The following FGD5 variants were observed in gnomAD, a reference collection of about 807,000 sequenced individuals.
FGD5 encodes the protein FYVE, RhoGEF and PH domain-containing protein 5.
Under a neutral mutation model 133.4 loss-of-function variants are expected in FGD5, and 28 were observed. That is an observed-to-expected ratio of 0.21 (90% CI 0.16 to 0.29). FGD5 has a LOEUF of 0.29. Ranked by LOEUF, FGD5 falls within the 10% of genes least tolerant of loss-of-function variation. The pLI, the probability that FGD5 is intolerant of heterozygous loss-of-function variation, is 1.00. For missense variants in FGD5, 1,858 were observed against 1,895.2 expected (o/e 0.98, Z 0.36); for synonymous variants, 810 against 776.5 (o/e 1.04, Z -0.72).
chr3:14,810,769 C>T (rs1385980714), upstream of FGD5: 55 of 976,744 alleles, frequency 5.6e-5, no homozygotes, highest in Non-Finnish European at 1.5e-5. Flanking sequence ...GGGGCGGCCG[C>T]GGAGGGAGGC....
At chr3:14,921,851 C>G in intron 13 of FGD5, 67 bp from the exon 14 acceptor site, 1 of 1,455,200 alleles carries the variant, frequency 6.9e-7, no homozygotes, top group Non-Finnish European at 9.4e-7. Context: ...GAACCTCATC[C>G]ATGCCGAGAT....
At chr3:14,825,513 T>C (rs1704582886) in intron 1 of FGD5, among the ~76,000 whole-genome samples, 1 of 151,968 alleles carries the variant, frequency 6.6e-6, no homozygotes, top group South Asian at 2.1e-4. Context: ...AGCCGGGCAT[T>C]GTGGTACGCA....
chr3:14,882,241 T>G (rs1039339387), intron 4 of FGD5: 2 of 951,662 alleles, frequency 2.1e-6, no homozygotes, highest in Non-Finnish European at 2.5e-6. Context: ...GCTGACAGCA[T>G]GACAGAGGGG....
chr3:14,847,737 G>A (rs2037076887), intron 1 of FGD5, among the ~76,000 whole-genome samples: 1 of 152,228 alleles, frequency 6.6e-6, no homozygotes, highest in Non-Finnish European at 1.5e-5. Context: ...GCTGGCTGGA[G>A]ACTGAGCTCC....
chr3:14,894,346 C>A (rs966263677), intron 4 of FGD5, among the ~76,000 whole-genome samples: 1 of 152,050 alleles, frequency 6.6e-6, no homozygotes, highest in African/African-American at 2.4e-5. Context: ...TTTTCTTTAT[C>A]CATTCATCTG....
At chr3:14,916,521 G>T (rs2038557237) in intron 11 of FGD5, among the ~76,000 whole-genome samples, 1 of 152,186 alleles carries the variant, frequency 6.6e-6, no homozygotes, top group South Asian at 2.1e-4. Flanking sequence ...TGTCCTCAGG[G>T]TGTCTCCCAA....
chr3:14,908,644 T>C (rs2038384409), intron 10 of FGD5, among the ~76,000 whole-genome samples: 1 of 152,120 alleles, frequency 6.6e-6, no homozygotes, highest in Non-Finnish European at 1.5e-5. Flanking sequence ...CCCAGCACTT[T>C]GGGAGGCTGA....
intron 4 of FGD5, among the ~76,000 whole-genome samples, chr3:14,885,711 A>C (rs918161678): frequency 2.6e-5 from 4 of 152,206 alleles, no homozygotes; most frequent in Non-Finnish European, 4.4e-5. Flanking sequence ...CCGAGAGAGC[A>C]GGTAGAAGTG....
chr3:14,838,006 G>A (rs1343598511), intron 1 of FGD5, among the ~76,000 whole-genome samples: 1 of 152,194 alleles, frequency 6.6e-6, no homozygotes, highest in Non-Finnish European at 1.5e-5. Flanking sequence ...GCTCAGCTGG[G>A]TCCTTTACTG....
rs751041118 is a variant in FGD5 at position 14,934,077 on chromosome 3, T to A, written c.*910T>A. 3 of 152,260 alleles carry A rather than the reference T, an allele frequency of 2.0e-5. No individual in the cohort carries two copies. The highest frequency in any genetic ancestry group is 4.4e-5 in the Non-Finnish European group (3 of 68,058). The allele number at this position is 152,260 out of a possible 1,614,324, so 9.4% of individuals were successfully genotyped here. A position where few individuals can be genotyped will look rare whatever the true frequency, so the allele number is the denominator to read the frequency against. ...AAGCTGACAACATTGTTTATGGGAA[T>A]CTATCCTTCTTTTAGACACACGGTA... On this transcript the variant is annotated 3_prime_UTR_variant, in exon 20 of 20. Transcript: ENST00000285046.
chr3:14,860,938 C>G (rs889622777), intron 1 of FGD5, among the ~76,000 whole-genome samples: 2 of 152,098 alleles, frequency 1.3e-5, no homozygotes, highest in African/African-American at 4.8e-5. Flanking sequence ...ATGATCATAC[C>G]AGTGCACTCC....
chr3:14,932,300 C>A, intron 18 of FGD5: 1 of 279,856 alleles, frequency 3.6e-6, no homozygotes, highest in Admixed American at 5.1e-5. Flanking sequence ...CCAGGCTGGT[C>A]TCGAACTCCT....
chr3:14,917,456 T>C lies in FGD5; in HGVS notation c.3489+124T>C. On this transcript the variant is annotated intron_variant, in intron 12 of 19. Coordinates refer to ENST00000285046, the MANE Select transcript of FGD5 (RefSeq NM_152536.4). The surrounding 1 kb of genome is among the most constrained non-coding windows in gnomAD (Gnocchi z 4.1). ...GAAGAGGGAGGCCCTGCGGAAACAGTGTTGGGCTACAGCAAGTTTGTGCTG... is the reference window on the plus strand; with the variant it reads ...GAAGAGGGAGGCCCTGCGGAAACAGCGTTGGGCTACAGCAAGTTTGTGCTG... 2 of 842,774 alleles carry C rather than the reference T, an allele frequency of 2.4e-6. No individual in the cohort carries two copies. The highest frequency in any genetic ancestry group is 3.7e-6 in the Non-Finnish European group (2 of 538,230). 52.2% of individuals were successfully genotyped at this position (842,774 alleles called of 1,614,324 possible). A position where few individuals can be genotyped will look rare whatever the true frequency, so the allele number is the denominator to read the frequency against.
At chr3:14,899,029 G>T (rs982273066) in intron 7 of FGD5, among the ~76,000 whole-genome samples, 2 of 152,090 alleles carry the variant, frequency 1.3e-5, no homozygotes, top group African/African-American at 4.8e-5. Flanking sequence ...GCTCCCTCCA[G>T]TGGCCACCCC....
Position 14,819,436 on chromosome 3 carries a change from C to T in FGD5, c.365C>T (p.Ala122Val), listed in dbSNP as rs551394342. Residue 122 changes from alanine to valine, a missense_variant, in exon 1 of 20, where the codon GCC becomes GTC. Transcript: ENST00000285046. This position sits in a 1 kb window ranked among gnomAD's most constrained non-coding sequence, Gnocchi z 4.1. ...EGTGAGEDSVAPAAPGAGALS... is the reference protein window; with the variant it reads ...EGTGAGEDSVVPAAPGAGALS... ...ACAGGAGCTGGTGAGGATTCAGTGG[C>T]CCCTGCTGCTCCGGGTGCAGGAGCG... is the stretch of plus-strand genomic sequence containing the variant. 2.3e-5 allele frequency: 35 copies of T among 1,549,750 alleles called. No homozygotes were observed. The South Asian group carries it at 3.5e-4, about 15-fold the overall frequency.
At chr3:14,816,418 G>C (rs1246750691), upstream of FGD5, among the ~76,000 whole-genome samples, 1 of 152,220 alleles carries the variant, frequency 6.6e-6, no homozygotes, top group East Asian at 1.9e-4. Flanking sequence ...GACTTTATCT[G>C]AACAACAGCT....
chr3:14,905,026 T>C (rs890410117), intron 9 of FGD5, among the ~76,000 whole-genome samples: 15 of 152,150 alleles, frequency 9.9e-5, no homozygotes, highest in African/African-American at 3.6e-4. Flanking sequence ...TTTCCCATTC[T>C]AATCATGACC....
chr3:14,812,036 A>ACGTG (rs1553621404), intron 1 of FGD5, among the ~76,000 whole-genome samples: 1 of 148,094 alleles, frequency 6.8e-6, no homozygotes, highest in Non-Finnish European at 1.5e-5. Flanking sequence ...GTGTGTATGT[A>ACGTG]TGTGTGTGTG....
intron 1 of FGD5, among the ~76,000 whole-genome samples, chr3:14,835,338 A>G (rs112816945): frequency 6.6e-6 from 1 of 152,240 alleles, no homozygotes; most frequent in Non-Finnish European, 1.5e-5. Context: ...TCTCTGCTAA[A>G]AATACAAAAT....
Sources: allele counts gnomAD v4.1 joint callset (sites outside exome capture counted in the v4.1 genomes callset), GRCh38; gene constraint gnomAD v4.1.1; non-coding constraint Gnocchi (gnomAD v3.1); transcripts MANE v1.5; gene names NCBI Gene and HGNC (gene_info 2026-07-23, HGNC 2026-07-21).